Variants in ITGA9 observed in about 807,000 individuals in gnomAD.
The protein encoded by ITGA9 is integrin subunit alpha 9.
ITGA9 carries 56 observed loss-of-function variants against 127.8 expected under a neutral mutation model. That is an observed-to-expected ratio of 0.44 (90% CI 0.35 to 0.55). ITGA9 has a LOEUF of 0.55. Among genes scored for constraint, ITGA9 ranks in the 20% least tolerant of loss-of-function variants. ITGA9 has a pLI of 0.00. For missense variants in ITGA9, 1,196 were observed against 1,347.1 expected, an observed-to-expected ratio of 0.89 and a Z score of 1.76; for synonymous variants, 508 against 514.5, an observed-to-expected ratio of 0.99 and a Z score of 0.17.
At chr3:37,653,670 C>G (rs768941418) in intron 16 of ITGA9, 44 bp from the exon 17 acceptor site, 5 of 1,385,206 alleles carry the variant, frequency 3.6e-6, no homozygotes, top group Non-Finnish European at 5.1e-6. Flanking sequence ...TACTCGTTTG[C>G]CACTCAATCC....
chr3:37,565,598 G>A (rs1699538570), intron 15 of ITGA9, among the ~76,000 whole-genome samples: 1 of 152,204 alleles, frequency 6.6e-6, no homozygotes, highest in South Asian at 2.1e-4. Flanking sequence ...AAGATGAAAG[G>A]TTCTGGAGGT....
chr3:37,695,078 C>T (rs944350148), intron 18 of ITGA9, among the ~76,000 whole-genome samples: 2 of 152,162 alleles, frequency 1.3e-5, no homozygotes, highest in Admixed American at 6.5e-5. Context: ...GTGTGAGTTA[C>T]GCCAAGGTAC....
chr3:37,713,429 A>G (rs1470202759), intron 18 of ITGA9, among the ~76,000 whole-genome samples: 1 of 152,186 alleles, frequency 6.6e-6, no homozygotes, highest in Non-Finnish European at 1.5e-5. Context: ...TAAAAGGTTC[A>G]GTGGAAGGGA....
chr3:37,711,112 C>T (rs1701075257), intron 18 of ITGA9, among the ~76,000 whole-genome samples: 1 of 152,184 alleles, frequency 6.6e-6, no homozygotes, highest in African/African-American at 2.4e-5. Flanking sequence ...CCTTGTGGCC[C>T]CTCGCTTGGC....
intron 22 of ITGA9, chr3:37,748,624 G>A (rs1696538564): frequency 2.0e-6 from 1 of 502,662 alleles, no homozygotes; most frequent in Admixed American, 3.2e-5. Context: ...GCAGCCACCT[G>A]TAATCCCAGC....
chr3:37,815,930 G>T (rs1173236358), intron 27 of ITGA9, among the ~76,000 whole-genome samples: 1 of 152,064 alleles, frequency 6.6e-6, no homozygotes, highest in East Asian at 1.9e-4. Flanking sequence ...AAAAAAAACT[G>T]GTCTCTTAGC....
At chr3:37,648,007 AG>A (rs1221600408) in intron 16 of ITGA9, among the ~76,000 whole-genome samples, 2 of 152,192 alleles carry the variant, frequency 1.3e-5, no homozygotes, top group East Asian at 3.8e-4. Flanking sequence ...TATTTCTATG[AG>A]GTACTGATTT....
chr3:37,498,842 T>C (rs1488399622), intron 5 of ITGA9, among the ~76,000 whole-genome samples: 1 of 152,224 alleles, frequency 6.6e-6, no homozygotes, highest in African/African-American at 2.4e-5. Context: ...CTGCCTTGTT[T>C]CTGGAAGTTC....
At chr3:37,740,015 A>T (rs1696413696) in intron 20 of ITGA9, among the ~76,000 whole-genome samples, 1 of 152,226 alleles carries the variant, frequency 6.6e-6, no homozygotes, top group South Asian at 2.1e-4. Flanking sequence ...CCCATGTAGG[A>T]AGACAGATGA....
chr3:37,721,260 A>G (rs1235231788), intron 18 of ITGA9, among the ~76,000 whole-genome samples: 2 of 151,868 alleles, frequency 1.3e-5, no homozygotes, highest in Non-Finnish European at 2.9e-5. Flanking sequence ...CTGGGACCAC[A>G]GGTGTGTGCC....
chr3:37,636,643 C>T (rs536005362), intron 16 of ITGA9, among the ~76,000 whole-genome samples: 24 of 152,266 alleles, frequency 1.6e-4, no homozygotes, highest in African/African-American at 5.3e-4. Context: ...TTAATTAGAT[C>T]CCATTTATCA....
intron 27 of ITGA9, among the ~76,000 whole-genome samples, 191 bp downstream of exon 27, chr3:37,804,133 A>C (rs1697267125): frequency 6.6e-6 from 1 of 152,088 alleles, no homozygotes; most frequent in Non-Finnish European, 1.5e-5. Context: ...GAGGATTTGG[A>C]CCACTTCAGA....
chr3:37,741,075 G>A (rs1203104980), intron 20 of ITGA9, among the ~76,000 whole-genome samples: 5 of 152,098 alleles, frequency 3.3e-5, no homozygotes, highest in South Asian at 2.1e-4. Flanking sequence ...AACTTCATTG[G>A]TCCATTGTTC....
intron 16 of ITGA9, among the ~76,000 whole-genome samples, chr3:37,649,728 A>G (rs1317691317): frequency 6.6e-6 from 1 of 152,238 alleles, no homozygotes; most frequent in East Asian, 1.9e-4. Context: ...CCTAGCTGGC[A>G]TATACAGAAC....
intron 23 of ITGA9, among the ~76,000 whole-genome samples, chr3:37,772,432 C>T (rs1696856107): frequency 6.6e-6 from 1 of 151,706 alleles, no homozygotes; most frequent in African/African-American, 2.4e-5. Flanking sequence ...AATGTGGGGA[C>T]AGTAATAGCA....
intron 11 of ITGA9, among the ~76,000 whole-genome samples, chr3:37,520,895 C>T (rs1699037807): frequency 6.6e-6 from 1 of 152,218 alleles, no homozygotes. Flanking sequence ...GCTAATCACA[C>T]AGTGAGGCAA....
intron 23 of ITGA9, among the ~76,000 whole-genome samples, chr3:37,774,509 A>G (rs1177392036): frequency 6.7e-6 from 1 of 150,316 alleles, no homozygotes. Context: ...AGCCTGGGTA[A>G]TGTGGCAAAA....
chr3:37,528,064 C>T (rs963149241), intron 13 of ITGA9, among the ~76,000 whole-genome samples: 11 of 152,224 alleles, frequency 7.2e-5, no homozygotes, highest in African/African-American at 2.2e-4. Flanking sequence ...GGATTACAGG[C>T]GTGAGCCATT....
At chr3:37,462,792 G>T (rs533447030) in intron 1 of ITGA9, among the ~76,000 whole-genome samples, 401 of 152,340 alleles carry the variant, frequency 2.6e-3, no homozygotes, top group African/African-American at 9.3e-3. Flanking sequence ...CCATCCTGGG[G>T]TGCATGGTCC....
Sources: gnomAD v4.1 joint callset for allele counts (sites outside exome capture counted in the v4.1 genomes callset) on GRCh38, gnomAD v4.1.1 for gene constraint, MANE v1.5 for transcripts, NCBI Gene and HGNC (gene_info 2026-07-23, HGNC 2026-07-21) for gene names.